The following PRR11 variants were observed in gnomAD, a reference collection of about 807,000 sequenced individuals.
PRR11 encodes the protein proline-rich protein 11.
A neutral mutation model predicts 45.6 loss-of-function variants in PRR11; 30 were observed. The ratio of observed to expected loss-of-function variants is 0.66; its 90% CI spans 0.49 to 0.89. The LOEUF (loss-of-function observed/expected upper bound fraction) is 0.89, where lower values mean the gene tolerates loss of function less well. Among genes scored for constraint, PRR11 ranks in the 40% least tolerant of loss-of-function variants. The probability of loss-of-function intolerance (pLI) is 0.00; values close to 1 mark genes in which losing one functional copy is unlikely to be tolerated. For missense variants in PRR11, 373 were observed against 424.8 expected, an observed-to-expected ratio of 0.88 and a Z score of 1.07; for synonymous variants, 128 against 153.5, an observed-to-expected ratio of 0.83 and a Z score of 1.23.
intron 4 of PRR11, among the ~76,000 whole-genome samples, chr17:59,188,486 T>A (rs1805594708): frequency 6.6e-6 from 1 of 152,116 alleles, no homozygotes; most frequent in African/African-American, 2.4e-5. Flanking sequence ...CAAAGAAAAC[T>A]GTCAAAGAAT....
chr17:59,198,417 T>C (rs2046876920), intron 9 of PRR11, among the ~76,000 whole-genome samples: 1 of 152,142 alleles, frequency 6.6e-6, no homozygotes, highest in Non-Finnish European at 1.5e-5. Context: ...GGCTCACGCC[T>C]GTAATCCCAG....
At chr17:59,187,038 A>T (rs1318650166) in intron 4 of PRR11, among the ~76,000 whole-genome samples, 1 of 152,028 alleles carries the variant, frequency 6.6e-6, no homozygotes, top group Admixed American at 6.6e-5. Context: ...TAAATACATG[A>T]GTAGGGCCAG....
intron 2 of PRR11, chr17:59,179,858 G>A (rs2147845140): frequency 1.5e-6 from 2 of 1,343,902 alleles, no homozygotes; most frequent in South Asian, 2.3e-5. Flanking sequence ...CCCACACAGG[G>A]GGCTGGGATC....
intron 4 of PRR11, among the ~76,000 whole-genome samples, chr17:59,191,200 CTTTCTTTT>C (rs1470460870): frequency 2.1e-5 from 3 of 146,144 alleles, no homozygotes; most frequent in East Asian, 4.0e-4. Flanking sequence ...CTCCATGTTT[CTTTCTTTT>C]TTTCTTTTTT....
chr17:59,173,835 C>G (rs755166064), intron 2 of PRR11, among the ~76,000 whole-genome samples: 1 of 152,132 alleles, frequency 6.6e-6, no homozygotes, highest in Non-Finnish European at 1.5e-5. Flanking sequence ...ACAAATGGCT[C>G]CTCTCCTCCT....
At chr17:59,186,442 C>T (rs956493608) in intron 4 of PRR11, among the ~76,000 whole-genome samples, 25 of 121,014 alleles carry the variant, frequency 2.1e-4, no homozygotes, top group Admixed American at 7.7e-4. Context: ...GTTACACAGG[C>T]TAGAGTGCAG....
Position 59,205,968 on chromosome 17 carries a change from T to C in PRR11, c.*4337T>C, listed in dbSNP as rs1278234252. 6.6e-6 allele frequency among the ~76,000 whole-genome samples: 1 copy of C among 152,028 alleles called. No homozygotes were observed. The highest frequency in any genetic ancestry group is 2.4e-5 in the African/African-American group (1 of 41,396). On this transcript the variant is annotated 3_prime_UTR_variant, in exon 10 of 10. Coordinates refer to ENST00000262293, the MANE Select transcript of PRR11 (RefSeq NM_018304.4). ...CAGAAGACTGAGGCGTGAGAATCAC[T>C]TGAACGATGGAAGTGGAGGTTGCAG... is the stretch of plus-strand genomic sequence containing the variant.
intron 2 of PRR11, among the ~76,000 whole-genome samples, chr17:59,172,549 C>T (rs113789451): frequency 1.3e-5 from 2 of 152,342 alleles, no homozygotes; most frequent in Non-Finnish European, 2.9e-5. Flanking sequence ...GGAACCGGGG[C>T]TGCGCGCTGC....
chr17:59,189,827 C>G (rs772465338), intron 4 of PRR11, among the ~76,000 whole-genome samples: 39 of 151,990 alleles, frequency 2.6e-4, no homozygotes, highest in Non-Finnish European at 4.0e-4. Flanking sequence ...TTCAAACAGA[C>G]CTTAAAAATT....
chr17:59,180,341 G>A (rs2046775163), intron 2 of PRR11, among the ~76,000 whole-genome samples: 1 of 150,672 alleles, frequency 6.6e-6, no homozygotes, highest in African/African-American at 2.5e-5. Flanking sequence ...ATGTTGGCCA[G>A]GCTGGTCTCA....
intron 4 of PRR11, among the ~76,000 whole-genome samples, chr17:59,192,958 C>T (rs1047346710): frequency 1.3e-5 from 2 of 152,214 alleles, no homozygotes; most frequent in African/African-American, 4.8e-5. Flanking sequence ...CTCCCTTCGT[C>T]TGCTAAGTCT....
At chr17:59,160,686 A>C (rs1599688711) in intron 1 of PRR11, 1 of 152,144 alleles carries the variant, frequency 6.6e-6, no homozygotes, top group Non-Finnish European at 1.5e-5. Flanking sequence ...GTAAGTAAAA[A>C]TGAGAGTAAT....
Position 59,197,572 on chromosome 17 carries a change from C to T in PRR11, c.886C>T (p.Arg296Trp), listed in dbSNP as rs368935442. Residue 296 changes from arginine to tryptophan, a missense_variant, in exon 8 of 10, where the codon CGG becomes TGG. Physicochemically the swap from Arg to Trp is moderately radical, Grantham distance 101. Transcript: ENST00000262293. Reference protein sequence around the residue: ...ITPGKSQMDLRKLLRKVDVER... With the variant: ...ITPGKSQMDLWKLLRKVDVER... ...TCCTGGAAAAAGTCAGATGGATCTG[C>T]GGAAACTGCTTAGAAAAGTCGATGT... 55 of 1,613,846 alleles carry T rather than the reference C, an allele frequency of 3.4e-5. No individual in the cohort carries two copies. Among genetic ancestry groups the T allele is most frequent in the Middle Eastern group, 3.3e-4 (2 of 6,080 alleles).
In PRR11 at chr17:59,162,213, G is replaced by GACACACAC. The variant is rs58983044; in HGVS notation, c.-6+6438_-6+6445dup. On this transcript the variant is annotated intron_variant, in intron 1 of 9. Transcript: ENST00000262293. ...ATAGAAGCACTAATAACCCAAGTCA[G>GACACACAC]ACACACACACACACACACACACACA... is the stretch of plus-strand genomic sequence containing the variant. 2.4e-3 allele frequency among the ~76,000 whole-genome samples: 333 copies of GACACACAC among 139,576 alleles called. 2 individuals carry two copies. Among genetic ancestry groups the GACACACAC allele is most frequent in the African/African-American group, 8.3e-3 (315 of 38,152 alleles). The allele number at this position is 139,576 out of a possible 152,430, so 91.6% of individuals were successfully genotyped here. A position where few individuals can be genotyped will look rare whatever the true frequency, so the allele number is the denominator to read the frequency against.
intron 1 of PRR11, among the ~76,000 whole-genome samples, chr17:59,164,479 C>A (rs2046669402): frequency 6.6e-6 from 1 of 151,904 alleles, no homozygotes; most frequent in South Asian, 2.1e-4. Flanking sequence ...TGCTTGAGCA[C>A]AGGAGTTTAA....
chr17:59,182,066 C>T (rs1343757606), intron 2 of PRR11, among the ~76,000 whole-genome samples: 8 of 147,384 alleles, frequency 5.4e-5, no homozygotes, highest in African/African-American at 2.0e-4. Context: ...CTTGCTTTGT[C>T]GCCCGGGCTG....
chr17:59,181,704 C>A (rs2046787603), intron 2 of PRR11: 1 of 1,553,640 alleles, frequency 6.4e-7, no homozygotes, highest in African/African-American at 1.4e-5. Context: ...TCTTCCTTTT[C>A]CAGCAAAGGG....
intron 4 of PRR11, among the ~76,000 whole-genome samples, chr17:59,191,004 C>T (rs1211773502): frequency 1.3e-5 from 2 of 152,134 alleles, no homozygotes; most frequent in Non-Finnish European, 2.9e-5. Context: ...AGGGCTGGCT[C>T]CTACAGGATA....
intron 2 of PRR11, among the ~76,000 whole-genome samples, chr17:59,173,389 C>T (rs1245971493): frequency 1.3e-5 from 2 of 152,324 alleles, no homozygotes; most frequent in Middle Eastern, 6.8e-3. Flanking sequence ...TGGCACTTTG[C>T]AATGAATCTT....
Sources: allele counts gnomAD v4.1 joint callset (sites outside exome capture counted in the v4.1 genomes callset), GRCh38; gene constraint gnomAD v4.1.1; transcripts MANE v1.5; gene names NCBI Gene and HGNC (gene_info 2026-07-23, HGNC 2026-07-21).